Variants in SYNE2 observed in about 807,000 individuals in gnomAD.
SYNE2 encodes the protein nesprin-2.
SYNE2 carries 431 observed loss-of-function variants against 856.3 expected under a neutral mutation model. The observed-to-expected ratio is 0.50, with a 90% CI of 0.47 to 0.55. SYNE2 has a LOEUF of 0.55. Among genes scored for constraint, SYNE2 ranks in the 20% least tolerant of loss-of-function variants. The probability of loss-of-function intolerance (pLI) is 0.00; values close to 1 mark genes in which losing one functional copy is unlikely to be tolerated. For missense variants in SYNE2, 8,129 were observed against 8,023.2 expected, an observed-to-expected ratio of 1.01 and a Z score of -0.50; for synonymous variants, 2,923 against 2,872.3, an observed-to-expected ratio of 1.02 and a Z score of -0.56.
chr14:63,928,758 G>T (rs1471466511), intron 2 of SYNE2, among the ~76,000 whole-genome samples: 1 of 152,152 alleles, frequency 6.6e-6, no homozygotes, highest in African/African-American at 2.4e-5. Context: ...ATGACAGCTT[G>T]ATTAAGATTT....
intron 84 of SYNE2, among the ~76,000 whole-genome samples, chr14:64,151,019 C>T (rs558950428): frequency 2.0e-5 from 3 of 152,100 alleles, no homozygotes; most frequent in Non-Finnish European, 4.4e-5. Flanking sequence ...TCTGTTCATA[C>T]GCTATATATT....
chr14:64,101,953 C>T lies in SYNE2; in HGVS notation c.12403C>T (p.Pro4135Ser). ...KSDNGDEKAE[P>S]SPQSWSSLWK... ...ATAGAATGGAGATGAGAAGGCAGAG[C>T]CATCGCCTCAGTCTTGGTCTTCACT... The change falls in exon 64 of 116, where the codon CCA becomes TCA. Residue 4135 changes from proline (P) to serine (S), a missense_variant. Pro to Ser is a moderately conservative substitution (Grantham distance 74, BLOSUM62 -1). This residue lies in a region of SYNE2 where 5,410 missense variants were observed against 5,284.8 expected (regional missense o/e 1.02). Transcript: ENST00000555002. The T allele has an allele frequency of 6.2e-7, 1 of 1,613,648 alleles. No homozygotes were observed. Among genetic ancestry groups the T allele is most frequent in the Non-Finnish European group, 8.5e-7 (1 of 1,179,588 alleles).
At chr14:64,224,358 AAAAC>A (rs1412809368) in intron 113 of SYNE2, 99 bp from the exon 114 acceptor site, 4 of 1,132,722 alleles carry the variant, frequency 3.5e-6, no homozygotes. Flanking sequence ...AAAACAAAAC[AAAAC>A]AAAAAAAGAT....
chr14:63,764,695 A>C (rs547407632), intron 1 of SYNE2, among the ~76,000 whole-genome samples: 11 of 151,830 alleles, frequency 7.2e-5, no homozygotes, highest in African/African-American at 2.7e-4. Context: ...TAAGCACTGC[A>C]TGCCTTAGGT....
intron 3 of SYNE2, 49 bp downstream of exon 3, chr14:63,940,724 C>A: frequency 6.5e-7 from 1 of 1,548,664 alleles, no homozygotes; most frequent in South Asian, 1.1e-5. Flanking sequence ...TATTACTCCC[C>A]CTACTCCTTC....
intron 1 of SYNE2, among the ~76,000 whole-genome samples, chr14:63,791,171 A>G (rs956350334): frequency 6.6e-6 from 1 of 152,066 alleles, no homozygotes; most frequent in Non-Finnish European, 1.5e-5. Context: ...CATGTTGTCC[A>G]GGCTGGTCTT....
intron 19 of SYNE2, among the ~76,000 whole-genome samples, chr14:63,990,127 A>G (rs1475549283): frequency 1.3e-5 from 2 of 152,154 alleles, no homozygotes; most frequent in African/African-American, 4.8e-5. Flanking sequence ...TTTAATATTT[A>G]TTACCATTGT....
chr14:64,136,526 T>C (rs1430874425), intron 78 of SYNE2, among the ~76,000 whole-genome samples: 1 of 152,132 alleles, frequency 6.6e-6, no homozygotes, highest in Non-Finnish European at 1.5e-5. Context: ...ATAGCAAACC[T>C]TCTGTTTTGT....
intron 104 of SYNE2, 79 bp from the exon 105 acceptor site, chr14:64,212,732 A>C: frequency 7.6e-7 from 1 of 1,323,186 alleles, no homozygotes. Flanking sequence ...ATGCTTTTCT[A>C]TGGCCCTGTT....
intron 1 of SYNE2, among the ~76,000 whole-genome samples, chr14:63,862,252 T>C (rs185210858): frequency 6.6e-6 from 1 of 152,372 alleles, no homozygotes; most frequent in East Asian, 1.9e-4. Context: ...CATGTACATA[T>C]ATTCGTATTT....
At chr14:64,056,449 ACT>A (rs1389151795) in intron 49 of SYNE2, among the ~76,000 whole-genome samples, 183 bp downstream of exon 49, 1 of 151,300 alleles carries the variant, frequency 6.6e-6, no homozygotes, top group Non-Finnish European at 1.5e-5. Context: ...TGTAAAGAAA[ACT>A]CTGGTAAATA....
In SYNE2 at chr14:64,221,649, T is replaced by G. The variant is rs1207801362; in HGVS notation, c.20135T>G (p.Val6712Gly). 1.2e-6 allele frequency: 2 copies of G among 1,614,170 alleles called. No individual in the cohort carries two copies. The highest frequency in any genetic ancestry group is 1.6e-4 in the Middle Eastern group (1 of 6,062). ...SAKNRRQKAH[V>G]TDPKADPRAL... ...AAGAACCGGAGGCAGAAGGCTCATG[T>G]CACCGATCCAAAGGCAGACCCCCGG... Residue 6712 changes from valine (V) to glycine (G), a missense_variant, in exon 112 of 116, where the codon GTC becomes GGC. Physicochemically the swap from Val to Gly is moderately radical, Grantham distance 109 (BLOSUM62 -3). Around this residue, in one of 3 missense-constraint regions of SYNE2, gnomAD observed 5,410 missense variants for 5,284.8 expected, o/e 1.02. Transcript: ENST00000555002.
chr14:64,216,285 C>T lies in SYNE2; in HGVS notation c.19440C>T (p.Pro6480=), dbSNP rs770729523. The change falls in exon 108 of 116, where the codon CCC becomes CCT. Residue 6480 remains proline (P), a synonymous_variant. Coordinates refer to ENST00000555002, the MANE Select transcript of SYNE2 (RefSeq NM_182914.3). ...SISDGHSWHV[P]DSPSCPEHHY... is the part of the protein sequence containing the mutation. Reference sequence around the variant, plus strand: ...CGGATGGCCACTCGTGGCATGTTCCCGACAGCCCTTCCTGTCCCGAGCATC... The same window carrying T: ...CGGATGGCCACTCGTGGCATGTTCCTGACAGCCCTTCCTGTCCCGAGCATC... 6.8e-6 allele frequency: 11 copies of T among 1,614,166 alleles called. No individual in the cohort carries two copies. The highest frequency in any genetic ancestry group is 6.7e-5 in the East Asian group (3 of 44,892).
At position 64,009,958 on chromosome 14, in the gene SYNE2, A is replaced by T; in HGVS notation, c.4578-8A>T. On this transcript the variant is annotated splice_region_variant and splice_polypyrimidine_tract_variant and intron_variant, in intron 31 of 115. Coordinates refer to ENST00000555002, the MANE Select transcript of SYNE2 (RefSeq NM_182914.3). The stretch of plus-strand genomic sequence containing the variant: ...ACATTTAGCTATTGTATATTTTTCT[A>T]TTCTTAGTCTTGAACAATGTGGGAG... The T allele has an allele frequency of 1.2e-6, 2 of 1,612,230 alleles. No homozygotes were observed. The highest frequency in any genetic ancestry group is 1.7e-6 in the Non-Finnish European group (2 of 1,178,980).
At chr14:64,168,584 C>T (rs1290268623) in intron 92 of SYNE2, among the ~76,000 whole-genome samples, 2 of 152,086 alleles carry the variant, frequency 1.3e-5, no homozygotes, top group African/African-American at 4.8e-5. Flanking sequence ...TGCTTAAATC[C>T]TAAGGCTGAG....
At chr14:63,863,979 G>A (rs1489119027) in intron 1 of SYNE2, among the ~76,000 whole-genome samples, 1 of 151,994 alleles carries the variant, frequency 6.6e-6, no homozygotes, top group African/African-American at 2.4e-5. Flanking sequence ...ACGGCACCAC[G>A]CTTGACTAAT....
At chr14:64,016,799 T>C (rs2096895393) in intron 33 of SYNE2, among the ~76,000 whole-genome samples, 168 bp downstream of exon 33, 1 of 152,224 alleles carries the variant, frequency 6.6e-6, no homozygotes, top group African/African-American at 2.4e-5. Flanking sequence ...TACTAACAGA[T>C]GGGTTCATCA....
At position 64,048,109 on chromosome 14, in the gene SYNE2, T is replaced by C. The variant is rs762171765; in HGVS notation, c.7331T>C (p.Leu2444Ser). The C allele has an allele frequency of 1.9e-6, 3 of 1,613,466 alleles. No individual in the cohort carries two copies. Among genetic ancestry groups the C allele is most frequent in the African/African-American group, 2.7e-5 (2 of 74,902 alleles). ...GTCAATGAGCTGCAAAATCAACCTT[T>C]AGAATTAGATACTATGTTAAGAAAT... is the stretch of plus-strand genomic sequence containing the variant. Reference protein sequence around the residue: ...RKVNELQNQPLELDTMLRNEQ... With the variant: ...RKVNELQNQPSELDTMLRNEQ... Residue 2444 changes from leucine (L) to serine (S), a missense_variant, in exon 46 of 116, where the codon TTA becomes TCA. By Grantham distance (145) the Leu-to-Ser change is moderately radical. This residue lies in a region of SYNE2 where 5,410 missense variants were observed against 5,284.8 expected (regional missense o/e 1.02). Transcript: ENST00000555002.
At chr14:63,942,636 C>G (rs1312086139) in intron 6 of SYNE2, among the ~76,000 whole-genome samples, 1 of 152,146 alleles carries the variant, frequency 6.6e-6, no homozygotes, top group Non-Finnish European at 1.5e-5. Context: ...GCTGGGATTA[C>G]AGACATGCAC....
Sources: allele counts gnomAD v4.1 joint callset (sites outside exome capture counted in the v4.1 genomes callset), GRCh38; gene constraint gnomAD v4.1.1; regional missense constraint gnomAD v4.1.1; transcripts MANE v1.5; gene names NCBI Gene and HGNC (gene_info 2026-07-23, HGNC 2026-07-21).